Variants in PRSS23 observed in about 807,000 individuals in gnomAD.
PRSS23 encodes the protein serine protease 23.
A neutral mutation model predicts 34.7 loss-of-function variants in PRSS23; 25 were observed. That is an observed-to-expected ratio of 0.72 (90% CI 0.53 to 1.01). The LOEUF (loss-of-function observed/expected upper bound fraction) is 1.01. PRSS23 is among the 50% of genes least tolerant of loss of function. The probability of loss-of-function intolerance (pLI) is 0.00; values close to 1 mark genes in which losing one functional copy is unlikely to be tolerated. For synonymous variants in PRSS23, 176 were observed against 186.6 expected (o/e 0.94, Z 0.46); for missense variants, 445 against 475.6 (o/e 0.94, Z 0.60).
intron 1 of PRSS23, among the ~76,000 whole-genome samples, chr11:86,802,358 G>A (rs1425429147): frequency 1.3e-5 from 2 of 152,190 alleles, no homozygotes; most frequent in African/African-American, 4.8e-5. Context: ...GTGCCTTGTA[G>A]TTTCCTGTAC....
intron 2 of PRSS23, among the ~76,000 whole-genome samples, chr11:86,835,204 C>T (rs1391831240): frequency 6.6e-6 from 1 of 152,154 alleles, no homozygotes; most frequent in African/African-American, 2.4e-5. Context: ...AGTGAGTATG[C>T]CTTTCACATC....
At chr11:86,811,450 T>C (rs1948177787), downstream of PRSS23, among the ~76,000 whole-genome samples, 1 of 152,180 alleles carries the variant, frequency 6.6e-6, no homozygotes, top group Non-Finnish European at 1.5e-5. Context: ...ATTTGAAAAT[T>C]ATCTGTCGCT....
intron 2 of PRSS23, among the ~76,000 whole-genome samples, chr11:86,847,643 A>T (rs931424758): frequency 6.6e-6 from 1 of 152,310 alleles, no homozygotes. Flanking sequence ...CTTAAGATGT[A>T]TCCTGAATAA....
chr11:86,807,881 G>C lies in PRSS23; in HGVS notation c.238G>C (p.Glu80Gln). 6.2e-7 allele frequency: 1 copy of C among 1,614,148 alleles called. No homozygotes were observed. The highest frequency in any genetic ancestry group is 8.5e-7 in the Non-Finnish European group (1 of 1,180,036). The change falls in exon 2 of 2, where the codon GAG (glutamate) becomes CAG (glutamine). Residue 80 changes from glutamate to glutamine, a missense_variant. Glu to Gln is a conservative substitution (Grantham distance 29). Coordinates refer to ENST00000280258, the MANE Select transcript of PRSS23 (RefSeq NM_007173.6). ...GGGAACTCCACTGCCCACTTACGAA[G>C]AGGCCAAGCAATATCTGTCTTATGA... ...HKGTPLPTYE[E>Q]AKQYLSYETL...
intron 2 of PRSS23, among the ~76,000 whole-genome samples, chr11:86,884,104 T>C (rs1239357213): frequency 1.3e-5 from 2 of 152,166 alleles, no homozygotes; most frequent in African/African-American, 4.8e-5. Context: ...TCTAGTCTTA[T>C]TGCCTCTCCA....
chr11:86,818,663 C>A (rs181085072), intron 1 of PRSS23, among the ~76,000 whole-genome samples: 221 of 152,250 alleles, frequency 1.5e-3, no homozygotes, highest in Non-Finnish European at 2.5e-3. Flanking sequence ...TCTTGGATTG[C>A]CCCCTAGTGG....
intron 1 of PRSS23, chr11:86,821,860 G>C: frequency 2.4e-6 from 1 of 412,670 alleles, no homozygotes; most frequent in Non-Finnish European, 4.4e-6. Context: ...ATAAGTAAGA[G>C]TACCAATAAT....
chr11:86,874,028 G>A (rs766325698), intron 2 of PRSS23, among the ~76,000 whole-genome samples: 25 of 152,364 alleles, frequency 1.6e-4, no homozygotes, highest in Non-Finnish European at 3.1e-4. Flanking sequence ...TCTTGTGATG[G>A]AAAATGTGAG....
chr11:86,896,232 C>T (rs1428658650), intron 2 of PRSS23, among the ~76,000 whole-genome samples: 1 of 151,858 alleles, frequency 6.6e-6, no homozygotes, highest in East Asian at 1.9e-4. Context: ...ATTTGTTGAG[C>T]CTTAAGGTAC....
At chr11:86,873,192 A>ATG (rs1417487764) in intron 2 of PRSS23, among the ~76,000 whole-genome samples, 1 of 141,860 alleles carries the variant, frequency 7.0e-6, no homozygotes, top group African/African-American at 2.7e-5. Flanking sequence ...ATATATACAT[A>ATG]TATATACACA....
At chr11:86,796,509 C>T (rs1276926258), upstream of PRSS23, among the ~76,000 whole-genome samples, 2 of 151,206 alleles carry the variant, frequency 1.3e-5, no homozygotes, top group Admixed American at 6.6e-5. Context: ...GGCGTGGTAG[C>T]GGGCGCCTGT....
At chr11:86,903,480 T>A (rs1363760225) in intron 2 of PRSS23, among the ~76,000 whole-genome samples, 2 of 110,654 alleles carry the variant, frequency 1.8e-5, no homozygotes, top group Admixed American at 1.9e-4. Context: ...TAACATACAA[T>A]CTTTTTTTTT....
chr11:86,879,857 TCCGG>T (rs1948760437), intron 2 of PRSS23, among the ~76,000 whole-genome samples: 1 of 137,356 alleles, frequency 7.3e-6, no homozygotes, highest in Non-Finnish European at 1.6e-5. Flanking sequence ...AGCCGCCCCG[TCCGG>T]GAGGTGAGGG....
At chr11:86,842,699 G>C (rs1948457604) in intron 2 of PRSS23, among the ~76,000 whole-genome samples, 1 of 152,104 alleles carries the variant, frequency 6.6e-6, no homozygotes, top group Non-Finnish European at 1.5e-5. Context: ...AAATACCTGG[G>C]AATCCAAATT....
chr11:86,918,458 A>G (rs1201002725), intron 2 of PRSS23, among the ~76,000 whole-genome samples: 2 of 152,250 alleles, frequency 1.3e-5, no homozygotes, highest in Non-Finnish European at 2.9e-5. Flanking sequence ...TCTGCTTCAG[A>G]TCTTTGTTCA....
rs764669768 is a variant in PRSS23 at position 86,808,197 on chromosome 11, A to G, written c.554A>G (p.Lys185Arg). 5 of 1,614,132 alleles carry G rather than the reference A, an allele frequency of 3.1e-6. No homozygotes were observed. The highest frequency in any genetic ancestry group is 4.2e-6 in the Non-Finnish European group (5 of 1,180,030). ...HCIHDGKTYV[K>R]GTQKLRVGFL... ...ATACACGATGGAAAAACCTATGTGA[A>G]AGGAACCCAGAAGCTTCGAGTGGGC... The change falls in exon 2 of 2, where the codon AAA becomes AGA. Residue 185 changes from lysine (K) to arginine (R), a missense_variant. By Grantham distance (26) the Lys-to-Arg change is conservative (BLOSUM62 2). Coordinates refer to ENST00000280258, the MANE Select transcript of PRSS23 (RefSeq NM_007173.6).
chr11:86,830,948 G>T (rs1270137215), intron 2 of PRSS23, among the ~76,000 whole-genome samples: 2 of 152,028 alleles, frequency 1.3e-5, no homozygotes, highest in African/African-American at 4.8e-5. Flanking sequence ...TACAAACTGT[G>T]ATATTATACA....
At chr11:86,860,738 T>G (rs1948607139) in intron 2 of PRSS23, among the ~76,000 whole-genome samples, 1 of 151,782 alleles carries the variant, frequency 6.6e-6, no homozygotes, top group Non-Finnish European at 1.5e-5. Flanking sequence ...GCCGGTGGTT[T>G]GACCCCCCTT....
chr11:86,822,640 A>AC (rs1948261659), intron 1 of PRSS23, among the ~76,000 whole-genome samples: 1 of 151,214 alleles, frequency 6.6e-6, no homozygotes, highest in African/African-American at 2.4e-5. Context: ...AAAAAAAAAA[A>AC]TGCAGAACTA....
Sources: gnomAD v4.1 joint callset for allele counts (sites outside exome capture counted in the v4.1 genomes callset) on GRCh38, gnomAD v4.1.1 for gene constraint, MANE v1.5 for transcripts, NCBI Gene and HGNC (gene_info 2026-07-23, HGNC 2026-07-21) for gene names.